TRIOBP: variants seen among roughly 807,000 people sequenced by gnomAD.
The protein encoded by TRIOBP is TRIO and F-actin binding protein, also known as TRIO and F-actin-binding protein.
A neutral mutation model predicts 238.8 loss-of-function variants in TRIOBP; 169 were observed. That is an observed-to-expected ratio of 0.71 (90% confidence interval 0.62 to 0.80). The LOEUF is 0.80. Among genes scored for constraint, TRIOBP ranks in the 30% least tolerant of loss-of-function variants. The probability of loss-of-function intolerance (pLI) is 0.00; values close to 1 mark genes in which losing one functional copy is unlikely to be tolerated. For missense variants in TRIOBP, 2,838 were observed against 3,122.6 expected, an observed-to-expected ratio of 0.91 and a Z score of 2.17; for synonymous variants, 1,150 against 1,274.4, an observed-to-expected ratio of 0.90 and a Z score of 2.08.
At chr22:37,742,461 C>G (rs1924985297) in intron 11 of TRIOBP, among the ~76,000 whole-genome samples, 1 of 152,070 alleles carries the variant, frequency 6.6e-6, no homozygotes, top group South Asian at 2.1e-4. Flanking sequence ...TGGGGTTTCA[C>G]CACGTTGGCC....
At chr22:37,761,935 C>T (rs763440237) in intron 17 of TRIOBP, among the ~76,000 whole-genome samples, 8 of 138,468 alleles carry the variant, frequency 5.8e-5, no homozygotes, top group South Asian at 5.0e-4. Context: ...GGAGGGCCTC[C>T]GAGGCCCCCA....
chr22:37,698,632 C>T (rs1922479819), intron 2 of TRIOBP, among the ~76,000 whole-genome samples: 2 of 151,812 alleles, frequency 1.3e-5, no homozygotes, highest in Non-Finnish European at 1.5e-5. Context: ...GGATTATAGG[C>T]GTGAGCCACC....
chr22:37,751,648 G>T, intron 11 of TRIOBP, 124 bp from the exon 12 acceptor site: 1 of 1,107,236 alleles, frequency 9.0e-7, no homozygotes, highest in Non-Finnish European at 1.3e-6. Flanking sequence ...AGCCCTCTTG[G>T]CTGGCTTCCC....
intron 11 of TRIOBP, among the ~76,000 whole-genome samples, chr22:37,747,870 T>G (rs1324217999): frequency 6.6e-6 from 1 of 152,234 alleles, no homozygotes; most frequent in Non-Finnish European, 1.5e-5. Context: ...GTTCCAGCTT[T>G]CTTTCACAGT....
intron 10 of TRIOBP, 129 bp from the exon 11 acceptor site, chr22:37,740,766 G>A: frequency 2.9e-6 from 4 of 1,365,216 alleles, no homozygotes; most frequent in Non-Finnish European, 4.1e-6. Flanking sequence ...AGTTCTGGGA[G>A]GAGAGAAAGA....
At chr22:37,710,877 T>A (rs1039800606) in intron 4 of TRIOBP, among the ~76,000 whole-genome samples, 2 of 152,204 alleles carry the variant, frequency 1.3e-5, no homozygotes, top group Admixed American at 6.5e-5. Flanking sequence ...CCCCAGGGTG[T>A]GTGGCTGCTG....
At chr22:37,704,128 T>C (rs772042896) in intron 3 of TRIOBP, among the ~76,000 whole-genome samples, 21 of 152,158 alleles carry the variant, frequency 1.4e-4, no homozygotes, top group Non-Finnish European at 3.1e-4. Flanking sequence ...AGTGACTCAC[T>C]CCTGTAATCC....
In TRIOBP at chr22:37,726,218, G is replaced by A. The variant is rs200559738; in HGVS notation, c.3662G>A (p.Arg1221Gln). 950 of 1,602,970 alleles carry A rather than the reference G, an allele frequency of 5.9e-4. 1 individual carries two copies. The highest frequency in any genetic ancestry group is 7.6e-4 in the Non-Finnish European group (897 of 1,175,054). Reference protein sequence around the residue: ...VLIPQVCIGHRDAPRASSPPR... With the variant: ...VLIPQVCIGHQDAPRASSPPR... ...ATCCCCCAAGTGTGCATCGGGCACC[G>A]GGATGCACCCCGAGCCTCCTCCCCA... Residue 1221 changes from arginine (R) to glutamine (Q), a missense_variant, in exon 7 of 24, where the codon CGG becomes CAG. By Grantham distance (43) the Arg-to-Gln change is conservative. Transcript: ENST00000644935.
At chr22:37,739,362 T>C (rs145739577) in intron 10 of TRIOBP, among the ~76,000 whole-genome samples, 1 of 152,166 alleles carries the variant, frequency 6.6e-6, no homozygotes, top group African/African-American at 2.4e-5. Context: ...TGGGGCTGTG[T>C]TTTCCGGTCC....
At chr22:37,742,699 C>A (rs1041539231) in intron 11 of TRIOBP, among the ~76,000 whole-genome samples, 4 of 152,154 alleles carry the variant, frequency 2.6e-5, no homozygotes, top group Non-Finnish European at 5.9e-5. Context: ...ACACACAGCA[C>A]GTCTGGCAGG....
chr22:37,733,384 G>A lies in TRIOBP; in HGVS notation c.4034G>A (p.Arg1345Lys), dbSNP rs1054285390. 7 of 1,551,004 alleles carry A rather than the reference G, an allele frequency of 4.5e-6. No homozygotes were observed. Among genetic ancestry groups the A allele is most frequent in the Admixed American group, 2.0e-5 (1 of 51,058 alleles). ...CAAGGCCAGAGCCAACTTCTCCGAA[G>A]ACAGTCCAGCCCTGCCCCCAGCAGG... Reference protein sequence around the residue: ...PSQGQSQLLRRQSSPAPSRQV... With the variant: ...PSQGQSQLLRKQSSPAPSRQV... The change falls in exon 8 of 24, where the codon AGA (arginine) becomes AAA (lysine). Residue 1345 changes from arginine (R) to lysine (K), a missense_variant. Transcript: ENST00000644935.
intron 3 of TRIOBP, among the ~76,000 whole-genome samples, chr22:37,707,645 T>TA (rs869170758): frequency 3.1e-4 from 46 of 146,252 alleles, no homozygotes; most frequent in Non-Finnish European, 2.9e-4. Context: ...TCTGTATGTT[T>TA]AAAAAAAAAA....
At position 37,734,563 on chromosome 22, in the gene TRIOBP, A is replaced by C; in HGVS notation, c.4227A>C (p.Thr1409=). 1 of 1,588,574 alleles carries C rather than the reference A, an allele frequency of 6.3e-7. No individual in the cohort carries two copies. The change falls in exon 9 of 24, where the codon ACA becomes ACC. Residue 1409 remains threonine (T), a synonymous_variant. Coordinates refer to ENST00000644935, the MANE Select transcript of TRIOBP (RefSeq NM_001039141.3). ...SARTPERELR[T]QRPLESGQAG... ...GGACCCCTGAGAGGGAGCTGCGGAC[A>C]CAGAGACCTCTGGAGAGTGGCCAAG...
At position 37,725,534 on chromosome 22, in the gene TRIOBP, C is replaced by T. The variant is rs540268047; in HGVS notation, c.2978C>T (p.Ser993Leu). ...CACCAGAGCACCTCCCGAACTTCCT[C>T]ACCTGTGTACCCCGCTGCCTATGGG... ...PGHQSTSRTS[S>L]PVYPAAYGAP... is the part of the protein sequence containing the mutation. Residue 993 changes from serine to leucine, a missense_variant, in exon 7 of 24, where the codon TCA (serine) becomes TTA (leucine). Around this residue, in one of 5 missense-constraint regions of TRIOBP, gnomAD observed 2,096 missense variants for 2,137.4 expected, o/e 0.98. Coordinates refer to ENST00000644935, the MANE Select transcript of TRIOBP (RefSeq NM_001039141.3). 4.3e-6 allele frequency: 7 copies of T among 1,613,710 alleles called. No individual in the cohort carries two copies. In the African/African-American group the frequency reaches 6.7e-5, roughly 15 times the overall value.
At chr22:37,769,836 C>A (rs1047421930) in intron 21 of TRIOBP, among the ~76,000 whole-genome samples, 4 of 151,970 alleles carry the variant, frequency 2.6e-5, no homozygotes, top group Non-Finnish European at 5.9e-5. Context: ...TCAAGCGATT[C>A]TCCTGCCTCA....
rs758559754 is a variant in TRIOBP, at chr22:37,725,954, C to G, written c.3398C>G (p.Ser1133Cys). Residue 1133 changes from serine (S) to cysteine (C), a missense_variant, in exon 7 of 24, where the codon TCC becomes TGC. Coordinates refer to ENST00000644935, the MANE Select transcript of TRIOBP (RefSeq NM_001039141.3). ...CCACCACGCCAGGCCCCAGAGCCTT[C>G]CCTCTTATTCCAGGACCTCCCCAGG... ...SSPPRQAPEP[S>C]LLFQDLPRAS... 2 of 1,610,238 alleles carry G rather than the reference C, an allele frequency of 1.2e-6. No individual in the cohort carries two copies. Among genetic ancestry groups the G allele is most frequent in the Admixed American group, 3.4e-5 (2 of 59,674 alleles).
At chr22:37,738,761 A>T in intron 10 of TRIOBP, 42 bp downstream of exon 10, 1 of 1,599,734 alleles carries the variant, frequency 6.3e-7, no homozygotes, top group Non-Finnish European at 8.6e-7. Flanking sequence ...TGGGGAAGGG[A>T]GGGGGAAGCA....
At chr22:37,759,846 T>G in intron 17 of TRIOBP, 8 of 1,108,330 alleles carry the variant, frequency 7.2e-6, no homozygotes, top group Non-Finnish European at 9.3e-6. Context: ...ACTAACTCTC[T>G]AGAAAAAACG....
chr22:37,698,781 G>A (rs548088245), intron 2 of TRIOBP, among the ~76,000 whole-genome samples: 1 of 149,304 alleles, frequency 6.7e-6, no homozygotes, highest in African/African-American at 2.5e-5. Flanking sequence ...GTTTGAGGTT[G>A]CAAGGAGCTA....
Sources: gnomAD v4.1 joint callset for allele counts (sites outside exome capture counted in the v4.1 genomes callset) on GRCh38, gnomAD v4.1.1 for gene constraint, gnomAD v4.1.1 regional missense constraint, MANE v1.5 for transcripts, NCBI Gene and HGNC (gene_info 2026-07-23, HGNC 2026-07-21) for gene names.